The following MAGI1 variants were observed in gnomAD, a reference collection of about 807,000 sequenced individuals.
MAGI1 encodes membrane-associated guanylate kinase, WW and PDZ domain-containing protein 1.
Under a neutral mutation model 139.9 loss-of-function variants are expected in MAGI1, and 58 were observed. The observed-to-expected ratio is 0.41, with a 90% CI of 0.34 to 0.52. The LOEUF (loss-of-function observed/expected upper bound fraction) is 0.52. MAGI1 is among the 20% of genes least tolerant of loss of function. MAGI1 has a pLI of 0.12. For synonymous variants in MAGI1, 812 were observed against 737.9 expected, an observed-to-expected ratio of 1.10 and a Z score of -1.63; for missense variants, 1,874 against 1,901.6, an observed-to-expected ratio of 0.99 and a Z score of 0.27.
intron 1 of MAGI1, among the ~76,000 whole-genome samples, chr3:65,642,732 T>C (rs1351277895): frequency 1.3e-5 from 2 of 152,150 alleles, no homozygotes; most frequent in East Asian, 1.9e-4. Context: ...AAAGAGAAAA[T>C]GTAGTCAAAC....
chr3:65,651,159 G>A (rs2085555789), intron 1 of MAGI1, among the ~76,000 whole-genome samples: 1 of 151,788 alleles, frequency 6.6e-6, no homozygotes, highest in Non-Finnish European at 1.5e-5. Flanking sequence ...TGCCTTTTTT[G>A]CCCACTGCTC....
intron 5 of MAGI1, among the ~76,000 whole-genome samples, chr3:65,469,418 AACTG>A (rs1027299870): frequency 2.6e-5 from 4 of 152,150 alleles, no homozygotes; most frequent in African/African-American, 9.7e-5. Flanking sequence ...TGCATTTAAA[AACTG>A]ACTACTGTTG....
At chr3:65,429,424 A>G in intron 12 of MAGI1, 96 bp downstream of exon 12, 1 of 1,280,916 alleles carries the variant, frequency 7.8e-7, no homozygotes, top group East Asian at 2.3e-5. Context: ...ATTTAAATAA[A>G]TTTAAAAAGC....
chr3:65,690,618 G>A (rs1460136071), intron 1 of MAGI1, among the ~76,000 whole-genome samples: 2 of 150,478 alleles, frequency 1.3e-5, no homozygotes, highest in Non-Finnish European at 3.0e-5. Context: ...CTGCCACCAT[G>A]CCCGGCTCAT....
chr3:65,357,241 G>A (rs1306769252), intron 22 of MAGI1, 109 bp from the exon 23 acceptor site: 1 of 1,152,744 alleles, frequency 8.7e-7, no homozygotes, highest in Non-Finnish European at 1.2e-6. Context: ...GCAAACAACT[G>A]TTAAAGCAGT....
intron 2 of MAGI1, among the ~76,000 whole-genome samples, chr3:65,539,767 G>A (rs747331260): frequency 6.6e-6 from 1 of 152,154 alleles, no homozygotes; most frequent in African/African-American, 2.4e-5. Context: ...GCAGTCTGTC[G>A]TCAATATAAA....
At chr3:65,555,540 G>T (rs1340281982) in intron 2 of MAGI1, among the ~76,000 whole-genome samples, 1 of 152,108 alleles carries the variant, frequency 6.6e-6, no homozygotes. Context: ...TCTTTGATAG[G>T]TGAGAGGTGG....
At chr3:65,819,561 C>A (rs188316560) in intron 1 of MAGI1, among the ~76,000 whole-genome samples, 4 of 151,904 alleles carry the variant, frequency 2.6e-5, no homozygotes, top group Admixed American at 2.6e-4. Context: ...ATGCTGAAAT[C>A]CACCCCAGCA....
At chr3:65,450,608 T>C (rs1392396250) in intron 6 of MAGI1, among the ~76,000 whole-genome samples, 5 of 152,176 alleles carry the variant, frequency 3.3e-5, no homozygotes, top group Non-Finnish European at 7.3e-5. Context: ...GAGACAATCG[T>C]TGACATTATC....
intron 1 of MAGI1, among the ~76,000 whole-genome samples, chr3:65,790,578 C>T (rs2039692023): frequency 6.6e-6 from 1 of 152,182 alleles, no homozygotes; most frequent in African/African-American, 2.4e-5. Context: ...TTTCCTACAA[C>T]ACAGAGTTAG....
chr3:65,825,951 C>G (rs1248103190), intron 1 of MAGI1, among the ~76,000 whole-genome samples: 1 of 152,192 alleles, frequency 6.6e-6, no homozygotes, highest in African/African-American at 2.4e-5. Context: ...TCGTGCCACG[C>G]ACTCCAGCCT....
chr3:65,472,925 A>T (rs1026269072), intron 4 of MAGI1, among the ~76,000 whole-genome samples: 3 of 152,234 alleles, frequency 2.0e-5, no homozygotes, highest in Non-Finnish European at 4.4e-5. Flanking sequence ...GGTCATGATT[A>T]CGGACACTGA....
chr3:65,727,898 A>C (rs189159210), intron 1 of MAGI1, among the ~76,000 whole-genome samples: 1 of 152,192 alleles, frequency 6.6e-6, no homozygotes, highest in East Asian at 1.9e-4. Context: ...TAAGGATGAT[A>C]TATCAATCCG....
At chr3:65,388,305 GAAAAGA>G (rs1943611743) in intron 14 of MAGI1, among the ~76,000 whole-genome samples, 1 of 152,078 alleles carries the variant, frequency 6.6e-6, no homozygotes, top group East Asian at 1.9e-4. Flanking sequence ...CCTAATAAAA[GAAAAGA>G]AAAAGAAAAA....
At chr3:65,522,986 A>C (rs546760056) in intron 2 of MAGI1, among the ~76,000 whole-genome samples, 97 of 152,248 alleles carry the variant, frequency 6.4e-4, no homozygotes, top group African/African-American at 2.3e-3. Flanking sequence ...GCTTAGTATC[A>C]TTACTATGGG....
At chr3:65,646,966 A>G (rs1399137628) in intron 1 of MAGI1, among the ~76,000 whole-genome samples, 1 of 152,148 alleles carries the variant, frequency 6.6e-6, no homozygotes, top group Admixed American at 6.6e-5. Flanking sequence ...TATCACCTCA[A>G]GAACCCACAA....
chr3:65,732,583 T>C (rs1260926374), intron 1 of MAGI1, among the ~76,000 whole-genome samples: 3 of 152,212 alleles, frequency 2.0e-5, no homozygotes, highest in Non-Finnish European at 4.4e-5. Flanking sequence ...GCGCGGCACT[T>C]ACCTAGAAAA....
rs568650256 is a variant in MAGI1, at chr3:65,749,160, C to T, written c.314-127072G>A. On this transcript the variant is annotated intron_variant, in intron 1 of 22. Coordinates refer to ENST00000402939, the MANE Select transcript of MAGI1 (RefSeq NM_001033057.2). ...GACTTCATCATGTTAAGATGCAAGG[C>T]ACTCAGTGGTAGCCAGCAAACCTCA... Among the ~76,000 whole-genome samples, 4 of 152,220 alleles carry T rather than the reference C, an allele frequency of 2.6e-5. No homozygotes were observed. In the South Asian group the frequency reaches 6.2e-4, roughly 24 times the overall value.
chr3:65,854,241 C>T (rs1219366759), intron 1 of MAGI1, among the ~76,000 whole-genome samples: 1 of 150,032 alleles, frequency 6.7e-6, no homozygotes, highest in South Asian at 2.1e-4. Flanking sequence ...TGAGGCCAGG[C>T]GTTTCAGAAG....
Sources: allele counts gnomAD v4.1 joint callset (sites outside exome capture counted in the v4.1 genomes callset), GRCh38; gene constraint gnomAD v4.1.1; transcripts MANE v1.5; gene names NCBI Gene and HGNC (gene_info 2026-07-23, HGNC 2026-07-21).